TRPM3: variants seen among roughly 807,000 people sequenced by gnomAD.
The protein encoded by TRPM3 is transient receptor potential cation channel subfamily M member 3, also known as long transient receptor potential channel 3.
TRPM3 carries 77 observed loss-of-function variants against 181.2 expected under a neutral mutation model. The observed-to-expected ratio is 0.42, with a 90% CI of 0.35 to 0.51. The LOEUF is 0.51. TRPM3 is among the 20% of genes least tolerant of loss of function. The pLI, the probability that TRPM3 is intolerant of heterozygous loss-of-function variation, is 0.01. For synonymous variants in TRPM3, 745 were observed against 796.4 expected (o/e 0.94, Z 1.09); for missense variants, 1,759 against 2,196.7 (o/e 0.80, Z 3.98).
At position 71,070,973 on chromosome 9, in the gene TRPM3, G is replaced by GA. The variant is rs1159057386; in HGVS notation, c.177+50204dup. 3.9e-5 allele frequency among the ~76,000 whole-genome samples: 6 copies of GA among 152,166 alleles called. No homozygotes were observed. In the South Asian group the frequency reaches 8.3e-4, roughly 21 times the overall value. Reference sequence around the variant, plus strand: ...AACCCTGTATTAGTGAGTCTCTAGAGAAAAAATGGAATGAGTCCAATGGGA... The same window carrying GA: ...AACCCTGTATTAGTGAGTCTCTAGAGAAAAAAATGGAATGAGTCCAATGGGA... On this transcript the variant is annotated intron_variant, in intron 1 of 25. Coordinates refer to ENST00000677713, the MANE Select transcript of TRPM3 (RefSeq NM_001366145.2).
At chr9:71,287,009 CATATA>C (rs1318503554) in intron 1 of TRPM3, among the ~76,000 whole-genome samples, 339 of 106,990 alleles carry the variant, frequency 3.2e-3, no homozygotes, top group African/African-American at 0.012. Flanking sequence ...TAATATACAA[CATATA>C]ATATAGTATA....
intron 22 of TRPM3, among the ~76,000 whole-genome samples, chr9:70,587,342 C>A (rs2132464887): frequency 6.6e-6 from 1 of 152,276 alleles, no homozygotes; most frequent in South Asian, 2.1e-4. Flanking sequence ...TCATTTTCCT[C>A]CTGCCCTGGT....
At chr9:71,327,355 G>A (rs1351195099) in intron 1 of TRPM3, among the ~76,000 whole-genome samples, 1 of 152,160 alleles carries the variant, frequency 6.6e-6, no homozygotes, top group African/African-American at 2.4e-5. Flanking sequence ...CTAACCACCT[G>A]TCATGCTGGA....
At chr9:71,192,599 ATTGAG>A (rs1321982025) in intron 1 of TRPM3, among the ~76,000 whole-genome samples, 1 of 151,662 alleles carries the variant, frequency 6.6e-6, no homozygotes, top group Non-Finnish European at 1.5e-5. Context: ...CCATTTTTTA[ATTGAG>A]TTATTTTATT....
chr9:71,310,411 G>A (rs1048479703), intron 1 of TRPM3, among the ~76,000 whole-genome samples: 5 of 151,974 alleles, frequency 3.3e-5, no homozygotes, highest in African/African-American at 1.2e-4. Flanking sequence ...AAGTGGGTAA[G>A]GTAAATTTTT....
chr9:71,217,571 CT>C (rs1201741244), intron 1 of TRPM3, among the ~76,000 whole-genome samples: 2 of 152,026 alleles, frequency 1.3e-5, no homozygotes, highest in African/African-American at 4.8e-5. Flanking sequence ...AAAATGTGTG[CT>C]GATTAAAGCC....
At chr9:71,025,748 G>A (rs1430521934) in intron 1 of TRPM3, among the ~76,000 whole-genome samples, 1 of 152,100 alleles carries the variant, frequency 6.6e-6, no homozygotes, top group African/African-American at 2.4e-5. Flanking sequence ...CTTCAGCCTG[G>A]GCCCTGTTCC....
At chr9:71,287,613 A>G (rs2085407078) in intron 1 of TRPM3, among the ~76,000 whole-genome samples, 1 of 150,910 alleles carries the variant, frequency 6.6e-6, no homozygotes, top group Non-Finnish European at 1.5e-5. Context: ...CAACTCCAGA[A>G]TTACAGAATG....
intron 12 of TRPM3, among the ~76,000 whole-genome samples, chr9:70,631,566 G>A (rs2065870847): frequency 6.6e-6 from 1 of 152,144 alleles, no homozygotes; most frequent in African/African-American, 2.4e-5. Context: ...GAGGCACAAA[G>A]TGAGCAGACA....
At chr9:71,420,727 G>GAGAGAGAGAAAGAGAAAGAGAGAGAA (rs2093725330) in intron 1 of TRPM3, among the ~76,000 whole-genome samples, 1 of 45,310 alleles carries the variant, frequency 2.2e-5, no homozygotes, top group African/African-American at 1.0e-4. Context: ...GAGAAAGAGA[G>GAGAGAGAGAAAGAGAAAGAGAGAGAA]AGAGAGAGAA....
intron 1 of TRPM3, among the ~76,000 whole-genome samples, chr9:71,275,908 C>G (rs926987273): frequency 6.7e-6 from 1 of 150,186 alleles, no homozygotes; most frequent in East Asian, 2.0e-4. Flanking sequence ...GTGGCGTGAT[C>G]TTGGCTCACT....
chr9:71,019,308 A>C (rs2097821096), intron 1 of TRPM3, among the ~76,000 whole-genome samples: 1 of 152,000 alleles, frequency 6.6e-6, no homozygotes, highest in Non-Finnish European at 1.5e-5. Context: ...GGAACTAATA[A>C]ATCTGTTATA....
intron 1 of TRPM3, among the ~76,000 whole-genome samples, chr9:71,421,160 T>C (rs192797093): frequency 1.0e-3 from 153 of 151,740 alleles, no homozygotes; most frequent in African/African-American, 3.6e-3. Flanking sequence ...GAGCTAAATA[T>C]TGGATAAACA....
intron 21 of TRPM3, among the ~76,000 whole-genome samples, chr9:70,592,206 C>CT (rs1564467606): frequency 1.3e-5 from 2 of 152,144 alleles, no homozygotes; most frequent in African/African-American, 4.8e-5. Flanking sequence ...CCAGTATGGC[C>CT]ACAAGGTAGG....
intron 1 of TRPM3, among the ~76,000 whole-genome samples, chr9:71,201,641 T>C (rs1437143053): frequency 6.6e-6 from 1 of 152,230 alleles, no homozygotes; most frequent in Admixed American, 6.5e-5. Flanking sequence ...CCATCACTGA[T>C]ACCCTTTCTT....
intron 1 of TRPM3, among the ~76,000 whole-genome samples, chr9:71,100,010 T>C (rs2068046900): frequency 1.3e-5 from 2 of 152,128 alleles, no homozygotes; most frequent in Admixed American, 1.3e-4. Context: ...ATGAAAGAAG[T>C]TGTACATGCC....
chr9:70,968,760 T>C (rs1416339025), intron 1 of TRPM3, among the ~76,000 whole-genome samples: 1 of 152,124 alleles, frequency 6.6e-6, no homozygotes, highest in Non-Finnish European at 1.5e-5. Flanking sequence ...ATAAGGTAGA[T>C]AGTATTCTAT....
chr9:71,217,624 G>A (rs1031892318), intron 1 of TRPM3, among the ~76,000 whole-genome samples: 1 of 152,180 alleles, frequency 6.6e-6, no homozygotes, highest in Admixed American at 6.5e-5. Context: ...GAAAAACTTT[G>A]CCATCTACAG....
At chr9:71,019,008 C>T (rs1330710570) in intron 1 of TRPM3, among the ~76,000 whole-genome samples, 1 of 151,816 alleles carries the variant, frequency 6.6e-6, no homozygotes, top group African/African-American at 2.4e-5. Flanking sequence ...TAATTCACCA[C>T]ATTAACTAAA....
Sources: allele counts gnomAD v4.1 joint callset (sites outside exome capture counted in the v4.1 genomes callset), GRCh38; gene constraint gnomAD v4.1.1; transcripts MANE v1.5; gene names NCBI Gene and HGNC (gene_info 2026-07-23, HGNC 2026-07-21).